INSL6: variants seen among roughly 807,000 people sequenced by gnomAD.
INSL6 encodes insulin-like peptide INSL6.
In INSL6, 16 loss-of-function variants were observed where a neutral mutation model predicts 9.4. The ratio of observed to expected loss-of-function variants is 1.70; its 90% CI spans 1.15 to 2.59. The LOEUF is 2.59. Among genes scored for constraint, INSL6 ranks in the 30% most tolerant of loss-of-function variants. The probability of loss-of-function intolerance (pLI) is 0.00; values close to 1 mark genes in which losing one functional copy is unlikely to be tolerated. For missense variants in INSL6, 391 were observed against 257.3 expected (o/e 1.52, Z -3.56); for synonymous variants, 154 against 96.9 (o/e 1.59, Z -3.46).
intron 1 of INSL6, among the ~76,000 whole-genome samples, chr9:5,167,208 C>A (rs1023941755): frequency 6.6e-6 from 1 of 152,172 alleles, no homozygotes; most frequent in African/African-American, 2.4e-5. Context: ...ATTGTGCTAC[C>A]CCTCCCTGAA....
the INSL6 span, among the ~76,000 whole-genome samples, chr9:4,995,327 C>G: frequency 1.3e-5 from 2 of 152,084 alleles, no homozygotes; most frequent in Non-Finnish European, 2.9e-5. Flanking sequence ...CTTTTTGATT[C>G]TGTAGATAGT....
intron 1 of INSL6, among the ~76,000 whole-genome samples, chr9:5,167,371 G>A (rs965389088): frequency 2.0e-5 from 3 of 152,222 alleles, no homozygotes; most frequent in African/African-American, 7.2e-5. Context: ...CTGAGACCAC[G>A]AGTTCCTGGG....
intron 2 of INSL6, among the ~76,000 whole-genome samples, chr9:5,142,635 G>A (rs1303737472): frequency 2.6e-5 from 4 of 152,126 alleles, no homozygotes; most frequent in Admixed American, 6.5e-5. Flanking sequence ...ATATAGGATC[G>A]TGTCATCTAC....
At chr9:4,995,084 C>G in the INSL6 span, among the ~76,000 whole-genome samples, 1 of 152,152 alleles carries the variant, frequency 6.6e-6, no homozygotes, top group Non-Finnish European at 1.5e-5. Context: ...CCTTTACTAA[C>G]ATTGTGTTTT....
chr9:5,171,035 CA>C (rs895811434), intron 1 of INSL6, among the ~76,000 whole-genome samples: 1 of 151,764 alleles, frequency 6.6e-6, no homozygotes, highest in Non-Finnish European at 1.5e-5. Context: ...GATACAACAA[CA>C]AAAAAACTTC....
the INSL6 span, among the ~76,000 whole-genome samples, chr9:5,015,721 C>A: frequency 1.3e-5 from 2 of 151,914 alleles, no homozygotes; most frequent in African/African-American, 2.4e-5. Context: ...TCTTTTGATT[C>A]TTTTTCGTAG....
At chr9:5,024,219 G>A in the INSL6 span, among the ~76,000 whole-genome samples, 4 of 152,160 alleles carry the variant, frequency 2.6e-5, no homozygotes, top group Non-Finnish European at 4.4e-5. Context: ...TTGCGCCACT[G>A]CACTCCAGCC....
chr9:5,084,139 G>A, the INSL6 span, among the ~76,000 whole-genome samples: 1 of 152,096 alleles, frequency 6.6e-6, no homozygotes, highest in East Asian at 1.9e-4. Flanking sequence ...AGACTCTAAG[G>A]AAGGCGTTTT....
the INSL6 span, among the ~76,000 whole-genome samples, chr9:5,071,488 A>G: frequency 1.3e-5 from 2 of 152,234 alleles, no homozygotes; most frequent in African/African-American, 4.8e-5. Context: ...TGTCAGGAAA[A>G]AGGCATAGAA....
At chr9:5,089,448 G>A in the INSL6 span, among the ~76,000 whole-genome samples, 1 of 144,866 alleles carries the variant, frequency 6.9e-6, no homozygotes, top group Non-Finnish European at 1.5e-5. Context: ...TGAGGCAGGA[G>A]AATGGTGTGA....
chr9:5,120,875 CAA>C (rs965464713), downstream of INSL6, among the ~76,000 whole-genome samples: 2 of 152,194 alleles, frequency 1.3e-5, no homozygotes, highest in African/African-American at 4.8e-5. Flanking sequence ...GCATAAGAAA[CAA>C]AATAATCAGC....
chr9:5,089,956 A>C, the INSL6 span: 1 of 791,250 alleles, frequency 1.3e-6, no homozygotes, highest in Non-Finnish European at 1.8e-6. Flanking sequence ...ATCTGGACTT[A>C]TGCCAATGCC....
the INSL6 span, chr9:5,111,399 G>T: frequency 1.7e-5 from 7 of 403,472 alleles, no homozygotes; most frequent in Non-Finnish European, 3.3e-5. Context: ...GAGGCGGACA[G>T]CGGCCTGGAC....
chr9:5,116,402 T>C, the INSL6 span, among the ~76,000 whole-genome samples: 1 of 152,238 alleles, frequency 6.6e-6, no homozygotes, highest in African/African-American at 2.4e-5. Context: ...GTCGTCATGA[T>C]AAACATTAGA....
chr9:5,138,682 T>G (rs1564036587), intron 2 of INSL6, among the ~76,000 whole-genome samples: 1 of 151,860 alleles, frequency 6.6e-6, no homozygotes, highest in African/African-American at 2.4e-5. Context: ...ATACCTATGT[T>G]AACAAACCTG....
chr9:5,122,881 G>C, downstream of INSL6: 1 of 590,910 alleles, frequency 1.7e-6, no homozygotes, highest in South Asian at 2.9e-5. Context: ...GAAGCCTCAG[G>C]CCTGCTGTGA....
chr9:5,090,816 C>G, the INSL6 span: 21 of 1,613,266 alleles, frequency 1.3e-5, no homozygotes, highest in African/African-American at 1.5e-4. Flanking sequence ...AGAACGAGAA[C>G]AGAGTTAAAA....
At chr9:5,079,461 A>G in the INSL6 span, among the ~76,000 whole-genome samples, 2 of 151,594 alleles carry the variant, frequency 1.3e-5, no homozygotes, top group African/African-American at 2.4e-5. Flanking sequence ...GGTGCAATTT[A>G]GCCTTCCATC....
chr9:5,101,323 A>C, the INSL6 span, among the ~76,000 whole-genome samples: 3 of 152,240 alleles, frequency 2.0e-5, no homozygotes, highest in Admixed American at 2.0e-4. Context: ...GCAGCCTGGC[A>C]GGCGGAGGGG....
Sources: gnomAD v4.1 joint callset for allele counts (sites outside exome capture counted in the v4.1 genomes callset) on GRCh38, gnomAD v4.1.1 for gene constraint, MANE v1.5 for transcripts, NCBI Gene and HGNC (gene_info 2026-07-23, HGNC 2026-07-21) for gene names.